CORO7: variants seen among roughly 807,000 people sequenced by gnomAD.
CORO7 encodes the protein coronin-7.
Under a neutral mutation model 126.6 loss-of-function variants are expected in CORO7, and 107 were observed. The ratio of observed to expected loss-of-function variants is 0.85; its 90% CI spans 0.72 to 0.99. CORO7 has a LOEUF of 0.99. CORO7 is among the 50% of genes least tolerant of loss of function. The probability of loss-of-function intolerance (pLI) is 0.00; values close to 1 mark genes in which losing one functional copy is unlikely to be tolerated. For missense variants in CORO7, 1,314 were observed against 1,255.8 expected, an observed-to-expected ratio of 1.05 and a Z score of -0.70; for synonymous variants, 603 against 536.8, an observed-to-expected ratio of 1.12 and a Z score of -1.70.
intron 9 of CORO7, among the ~76,000 whole-genome samples, chr16:4,368,131 G>C (rs936473631): frequency 6.6e-6 from 1 of 152,032 alleles, no homozygotes; most frequent in African/African-American, 2.4e-5. Context: ...TGGATCACTG[G>C]AGGTCAGCAG....
chr16:4,387,633 C>G, intron 9 of CORO7: 1 of 255,814 alleles, frequency 3.9e-6, no homozygotes, highest in Non-Finnish European at 7.8e-6. Flanking sequence ...TGGGCCTCAG[C>G]CCTGCCAGAA....
intron 9 of CORO7, chr16:4,371,731 T>TG (rs1297107281): frequency 6.6e-6 from 1 of 151,862 alleles, no homozygotes; most frequent in Non-Finnish European, 1.5e-5. Flanking sequence ...AGCCCCTCGG[T>TG]GGGGAAGGGG....
chr16:4,359,547 T>C lies in CORO7; in HGVS notation c.2183A>G (p.Asp728Gly). 6.2e-7 allele frequency: 1 copy of C among 1,613,202 alleles called. No homozygotes were observed. Among genetic ancestry groups the C allele is most frequent in the Non-Finnish European group, 8.5e-7 (1 of 1,179,860 alleles). The stretch of plus-strand genomic sequence containing the variant: ...GGGCAGCAGGGTTGAGGGAGCCACG[T>C]CCAGGCCCAACACTGCCAAGGGTCC... Reference protein sequence around the residue: ...AGGPLAVLGLDVAPSTLLPSY... With the variant: ...AGGPLAVLGLGVAPSTLLPSY... The change falls in exon 22 of 28, where the codon GAC becomes GGC. Residue 728 changes from aspartate to glycine, a missense_variant. Asp to Gly is a moderately conservative substitution (Grantham distance 94). Coordinates refer to ENST00000251166, the MANE Select transcript of CORO7 (RefSeq NM_024535.5).
intron 6 of CORO7, among the ~76,000 whole-genome samples, chr16:4,404,821 T>C (rs1423535506): frequency 6.6e-6 from 1 of 152,040 alleles, no homozygotes; most frequent in Non-Finnish European, 1.5e-5. Flanking sequence ...CTGTAGACAC[T>C]GCCCCTCCTG....
rs185253805 is a variant in CORO7, at chr16:4,358,949, G to A, written c.2340+347C>T. ...TTAACCTTATCTAGTGCAATTTTTT[G>A]TTTGTTTTGTAGAGATGGGGTCTTG... On this transcript the variant is annotated intron_variant, in intron 23 of 27. Transcript: ENST00000251166. 14 of 335,852 alleles carry A rather than the reference G, an allele frequency of 4.2e-5. No homozygotes were observed. The Admixed American group carries it at 5.7e-4, about 14-fold the overall frequency. The allele number at this position is 335,852 out of a possible 1,614,324, so 20.8% of individuals were successfully genotyped here. A position where few individuals can be genotyped will look rare whatever the true frequency, so the allele number is the denominator to read the frequency against.
rs1596275453 is a variant in CORO7 at position 4,362,015 on chromosome 16, G to C, written c.1548C>G (p.Leu516=). The C allele has an allele frequency of 6.2e-7, 1 of 1,611,728 alleles. No individual in the cohort carries two copies. The highest frequency in any genetic ancestry group is 8.5e-7 in the Non-Finnish European group (1 of 1,179,454). The change falls in exon 16 of 28, where the codon CTC becomes CTG. Residue 516 remains leucine (L), a synonymous_variant. Transcript: ENST00000251166. The surrounding 1 kb of genome is among the most constrained non-coding windows in gnomAD (Gnocchi z 5.3). ...ANKLRVAVPL[L]SSGGQVAVLE... is the part of the protein sequence containing the mutation. Reference sequence around the variant, plus strand: ...GCACAGCCACCTGTCCCCCGCTGCTGAGCAGCGGCACGGCCACACGCAGCT... The same window carrying C: ...GCACAGCCACCTGTCCCCCGCTGCTCAGCAGCGGCACGGCCACACGCAGCT...
At chr16:4,404,196 C>A (rs532912452) in intron 6 of CORO7, among the ~76,000 whole-genome samples, 1 of 152,214 alleles carries the variant, frequency 6.6e-6, no homozygotes, top group African/African-American at 2.4e-5. Flanking sequence ...GGCCTCCCTG[C>A]CCTGCTAGCT....
At chr16:4,373,609 C>T (rs1346904042) in intron 9 of CORO7, among the ~76,000 whole-genome samples, 6 of 152,176 alleles carry the variant, frequency 3.9e-5, no homozygotes, top group African/African-American at 1.4e-4. Context: ...AAGGGAGATG[C>T]CCCGGGCAGG....
At chr16:4,392,165 A>C (rs1383141193) in intron 7 of CORO7, among the ~76,000 whole-genome samples, 2 of 152,092 alleles carry the variant, frequency 1.3e-5, no homozygotes, top group Non-Finnish European at 2.9e-5. Context: ...AAGGGTTCTG[A>C]GGCCTCGACA....
intron 9 of CORO7, among the ~76,000 whole-genome samples, chr16:4,378,914 C>T (rs933866997): frequency 1.7e-4 from 26 of 152,000 alleles, no homozygotes; most frequent in Admixed American, 1.6e-3. Context: ...CTAGGGGAGA[C>T]GACTCTGGCA....
chr16:4,372,789 C>G (rs768634590), intron 9 of CORO7, among the ~76,000 whole-genome samples: 2 of 152,208 alleles, frequency 1.3e-5, no homozygotes, highest in Admixed American at 1.3e-4. Flanking sequence ...ACACCAGGGT[C>G]ACTGACCGCC....
At position 4,413,324 on chromosome 16, in the gene CORO7, GA is replaced by G; in HGVS notation, c.140del (p.Phe47SerfsTer33). 6.3e-7 allele frequency: 1 copy of G among 1,582,330 alleles called. No homozygotes were observed. The highest frequency in any genetic ancestry group is 8.6e-7 in the Non-Finnish European group (1 of 1,163,018). On this transcript the variant is annotated frameshift_variant, in exon 2 of 28. Transcript: ENST00000251166. LOFTEE classifies it high-confidence loss of function. Reference protein sequence around the residue: ...HIKSSCSLIAFNSDRPGVLGI... With the variant: ...HIKSSCSLIAXNSDRPGVLGI... Reference sequence around the variant, plus strand: ...ATTCCCTACCAGGACGGTCGGAGTTGAAGGCGATCAAGCTGCAGCTTGATTT... The same window carrying G: ...ATTCCCTACCAGGACGGTCGGAGTTGAGGCGATCAAGCTGCAGCTTGATTT...
At chr16:4,381,492 G>A in intron 9 of CORO7, 1 of 1,588,506 alleles carries the variant, frequency 6.3e-7, no homozygotes, top group East Asian at 2.3e-5. Flanking sequence ...TGGGGCTGCA[G>A]CAGCTGGACG....
chr16:4,366,530 C>A (rs2054353872), intron 9 of CORO7, among the ~76,000 whole-genome samples: 2 of 139,186 alleles, frequency 1.4e-5, no homozygotes, highest in African/African-American at 5.6e-5. Context: ...TGCTCCTGAT[C>A]TTTGCTTTTT....
intron 9 of CORO7, among the ~76,000 whole-genome samples, chr16:4,378,455 C>T (rs761878402): frequency 1.5e-4 from 23 of 152,160 alleles, no homozygotes; most frequent in Middle Eastern, 3.4e-3. Flanking sequence ...GCAGAGGTGG[C>T]CTCACCCCCC....
In CORO7 at chr16:4,361,987, C is replaced by G. The variant is rs963460737; in HGVS notation, c.1576G>C (p.Glu526Gln). The change falls in exon 16 of 28, where the codon GAG (glutamate) becomes CAG (glutamine). Residue 526 changes from glutamate to glutamine, a missense_variant and splice_region_variant. Transcript: ENST00000251166. ...CCCTGGTGGGGTGGGGCCCTCACCTCAAGCACAGCCACCTGTCCCCCGCTG... is the reference window on the plus strand; with the variant it reads ...CCCTGGTGGGGTGGGGCCCTCACCTGAAGCACAGCCACCTGTCCCCCGCTG... ...LSSGGQVAVLELRKPGRLPDT... is the reference protein window; with the variant it reads ...LSSGGQVAVLQLRKPGRLPDT... 6.2e-7 allele frequency: 1 copy of G among 1,604,416 alleles called. No homozygotes were observed. Among genetic ancestry groups the G allele is most frequent in the Non-Finnish European group, 8.5e-7 (1 of 1,176,168 alleles).
intron 6 of CORO7, among the ~76,000 whole-genome samples, chr16:4,399,001 G>A (rs2055704842): frequency 1.3e-5 from 2 of 151,976 alleles, no homozygotes; most frequent in South Asian, 2.1e-4. Flanking sequence ...AACTGTTGGT[G>A]GGTACGTGAA....
chr16:4,380,818 T>G (rs2054928797), intron 9 of CORO7: 3 of 1,426,312 alleles, frequency 2.1e-6, no homozygotes, highest in Non-Finnish European at 2.7e-6. Context: ...GTGTCTGCCT[T>G]CTAGGCCCCT....
rs750308667 is a variant in CORO7, at chr16:4,362,570, G to T, written c.1402+42C>A. The T allele has an allele frequency of 2.0e-6, 3 of 1,510,118 alleles. No homozygotes were observed. The highest frequency in any genetic ancestry group is 2.6e-6 in the Non-Finnish European group (3 of 1,133,284). The allele number at this position is 1,510,118 out of a possible 1,614,324, so 93.5% of individuals were successfully genotyped here. On this transcript the variant is annotated intron_variant, in intron 15 of 27. Coordinates refer to ENST00000251166, the MANE Select transcript of CORO7 (RefSeq NM_024535.5). The surrounding 1 kb of genome is among the most constrained non-coding windows in gnomAD (Gnocchi z 5.3). The stretch of plus-strand genomic sequence containing the variant: ...GGATGACGGGGAGTGGGGCAGACAG[G>T]GCTCCTGCGGTAGGGGTGAGCTCCC...
Sources: allele counts gnomAD v4.1 joint callset (sites outside exome capture counted in the v4.1 genomes callset), GRCh38; gene constraint gnomAD v4.1.1; non-coding constraint Gnocchi (gnomAD v3.1); transcripts MANE v1.5; gene names NCBI Gene and HGNC (gene_info 2026-07-23, HGNC 2026-07-21).